Variants in GRM1 observed in about 807,000 individuals in gnomAD.
GRM1 encodes the protein glutamate metabotropic receptor 1.
Under a neutral mutation model 90.9 loss-of-function variants are expected in GRM1, and 33 were observed. That is an observed-to-expected ratio of 0.36 (90% CI 0.28 to 0.49). The LOEUF (loss-of-function observed/expected upper bound fraction) is 0.49. GRM1 is among the 20% of genes least tolerant of loss of function. GRM1 has a pLI of 0.99. For synonymous variants in GRM1, 700 were observed against 613.2 expected (o/e 1.14, Z -2.09); for missense variants, 1,190 against 1,534.3 (o/e 0.78, Z 3.75).
intron 1 of GRM1, among the ~76,000 whole-genome samples, chr6:146,100,076 G>T (rs1777000720): frequency 6.6e-6 from 1 of 152,028 alleles, no homozygotes; most frequent in Non-Finnish European, 1.5e-5. Context: ...AGTGTTTAGT[G>T]CTAACTCATT....
chr6:146,080,844 C>G (rs1248583294), intron 1 of GRM1, among the ~76,000 whole-genome samples: 1 of 152,202 alleles, frequency 6.6e-6, no homozygotes, highest in East Asian at 1.9e-4. Context: ...TTCTCTGTAT[C>G]CCCCAAAGGA....
chr6:146,397,176 A>T (rs558322418), intron 6 of GRM1, among the ~76,000 whole-genome samples: 58 of 152,164 alleles, frequency 3.8e-4, no homozygotes, highest in African/African-American at 1.3e-3. Flanking sequence ...AATACATAAA[A>T]TTTTTTTTAA....
At chr6:146,310,971 C>T (rs564719931) in intron 3 of GRM1, among the ~76,000 whole-genome samples, 16 of 152,254 alleles carry the variant, frequency 1.1e-4, no homozygotes, top group South Asian at 4.1e-4. Context: ...GTTTGTTATG[C>T]GGCTTTTTTG....
intron 2 of GRM1, among the ~76,000 whole-genome samples, chr6:146,288,049 A>G (rs751611345): frequency 2.0e-5 from 3 of 152,242 alleles, no homozygotes; most frequent in African/African-American, 7.2e-5. Context: ...CAACACATAC[A>G]TAGAAATGTG....
intron 1 of GRM1, among the ~76,000 whole-genome samples, chr6:146,077,538 C>T (rs944401384): frequency 6.6e-6 from 1 of 152,154 alleles, no homozygotes; most frequent in South Asian, 2.1e-4. Flanking sequence ...AGAACAAGCA[C>T]TAGCTGGACT....
chr6:146,220,780 T>C (rs1003038027), intron 2 of GRM1, among the ~76,000 whole-genome samples: 1 of 151,996 alleles, frequency 6.6e-6, no homozygotes, highest in Non-Finnish European at 1.5e-5. Context: ...GCGCACATCG[T>C]TGGGCATCTA....
intron 1 of GRM1, among the ~76,000 whole-genome samples, chr6:146,116,554 T>C (rs910377415): frequency 9.2e-5 from 14 of 152,182 alleles, no homozygotes; most frequent in Admixed American, 2.6e-4. Context: ...AGAGATAAAA[T>C]CCACAGTGAA....
intron 3 of GRM1, among the ~76,000 whole-genome samples, chr6:146,306,166 G>A (rs1783571050): frequency 6.6e-6 from 1 of 152,106 alleles, no homozygotes; most frequent in Non-Finnish European, 1.5e-5. Context: ...CTTCTAGGGA[G>A]GCGGCGAAAG....
intron 2 of GRM1, among the ~76,000 whole-genome samples, chr6:146,257,595 G>T (rs569097562): frequency 6.6e-6 from 1 of 151,942 alleles, no homozygotes; most frequent in Non-Finnish European, 1.5e-5. Context: ...ATTGACTTAC[G>T]TAATTATAAA....
At chr6:146,236,859 C>T (rs1780664465) in intron 2 of GRM1, among the ~76,000 whole-genome samples, 1 of 152,102 alleles carries the variant, frequency 6.6e-6, no homozygotes, top group South Asian at 2.1e-4. Flanking sequence ...AAGATTTTCA[C>T]CCTGCCCCCA....
chr6:146,049,643 C>A (rs979554405), intron 1 of GRM1, among the ~76,000 whole-genome samples: 4 of 146,200 alleles, frequency 2.7e-5, no homozygotes, highest in African/African-American at 1.0e-4. Context: ...CATATGAAAC[C>A]TCCTTTCATA....
intron 2 of GRM1, among the ~76,000 whole-genome samples, chr6:146,219,628 A>T (rs966199457): frequency 6.6e-6 from 1 of 152,110 alleles, no homozygotes; most frequent in African/African-American, 2.4e-5. Flanking sequence ...AAATATTTGC[A>T]TGTCACATAT....
intron 1 of GRM1, among the ~76,000 whole-genome samples, chr6:146,088,677 T>C (rs1174440630): frequency 6.6e-6 from 1 of 152,094 alleles, no homozygotes. Context: ...TAAACTGAAC[T>C]GTAAGAAATT....
chr6:146,226,621 G>T (rs184258388), intron 2 of GRM1, among the ~76,000 whole-genome samples: 245 of 152,204 alleles, frequency 1.6e-3, no homozygotes, highest in African/African-American at 5.5e-3. Context: ...TCTACCAAAG[G>T]CATGTGAGTG....
chr6:146,101,780 C>CTATAAT (rs550413938), intron 1 of GRM1, among the ~76,000 whole-genome samples: 1 of 149,386 alleles, frequency 6.7e-6, no homozygotes, highest in South Asian at 2.1e-4. Flanking sequence ...ATACTTATAG[C>CTATAAT]TATAATTATA....
intron 3 of GRM1, among the ~76,000 whole-genome samples, chr6:146,332,052 C>T (rs1338736832): frequency 6.6e-6 from 1 of 152,104 alleles, no homozygotes; most frequent in Non-Finnish European, 1.5e-5. Flanking sequence ...ACTCTTAGAC[C>T]ATTACAGTAT....
chr6:146,215,318 T>A (rs913571139), intron 2 of GRM1, among the ~76,000 whole-genome samples: 5 of 152,240 alleles, frequency 3.3e-5, no homozygotes, highest in African/African-American at 1.2e-4. Context: ...AGCATGTATT[T>A]ATTTTTCCAT....
intron 2 of GRM1, among the ~76,000 whole-genome samples, chr6:146,168,717 G>C (rs1777998048): frequency 1.3e-5 from 2 of 152,064 alleles, no homozygotes; most frequent in East Asian, 3.9e-4. Context: ...AAAATGCCTA[G>C]TATAGAATTC....
chr6:146,140,344 C>A (rs563682142), intron 1 of GRM1, among the ~76,000 whole-genome samples: 8 of 152,018 alleles, frequency 5.3e-5, no homozygotes, highest in Non-Finnish European at 7.4e-5. Context: ...TCTCAGCTCA[C>A]TGCAACCTCT....
Sources: gnomAD v4.1 joint callset for allele counts (sites outside exome capture counted in the v4.1 genomes callset) on GRCh38, gnomAD v4.1.1 for gene constraint, MANE v1.5 for transcripts, NCBI Gene and HGNC (gene_info 2026-07-23, HGNC 2026-07-21) for gene names.